The following SORCS2 variants were observed in gnomAD, a reference collection of about 807,000 sequenced individuals.
The protein encoded by SORCS2 is VPS10 domain-containing receptor SorCS2.
In SORCS2, 100 loss-of-function variants were observed where a neutral mutation model predicts 141.6. The ratio of observed to expected loss-of-function variants is 0.71; its 90% CI spans 0.60 to 0.83. The LOEUF (loss-of-function observed/expected upper bound fraction) is 0.83, where lower values mean the gene tolerates loss of function less well. Among genes scored for constraint, SORCS2 ranks in the 40% least tolerant of loss-of-function variants. The pLI, the probability that SORCS2 is intolerant of heterozygous loss-of-function variation, is 0.00. For missense variants in SORCS2, 1,646 were observed against 1,560.2 expected (o/e 1.05, Z -0.93); for synonymous variants, 789 against 676.9 (o/e 1.17, Z -2.57).
At chr4:7,680,926 C>T (rs143931692) in intron 9 of SORCS2, among the ~76,000 whole-genome samples, 178 of 152,346 alleles carry the variant, frequency 1.2e-3, no homozygotes, top group African/African-American at 4.1e-3. Context: ...CACTTTGAAA[C>T]AGATAATTTG....
intron 1 of SORCS2, among the ~76,000 whole-genome samples, chr4:7,368,708 TTGGC>T (rs1722063804): frequency 1.3e-5 from 2 of 152,156 alleles, no homozygotes; most frequent in African/African-American, 4.8e-5. Flanking sequence ...AAGTTTGAAG[TTGGC>T]CAAGAGGATC....
At chr4:7,294,123 T>G (rs1205668346) in intron 1 of SORCS2, among the ~76,000 whole-genome samples, 1 of 152,210 alleles carries the variant, frequency 6.6e-6, no homozygotes, top group Non-Finnish European at 1.5e-5. Flanking sequence ...TCTGGTTAGT[T>G]ACGTCTCATC....
At chr4:7,453,443 TGTGTTGGGGTCAGGCTCC>T (rs1560297315) in intron 2 of SORCS2, among the ~76,000 whole-genome samples, 3 of 135,156 alleles carry the variant, frequency 2.2e-5, no homozygotes, top group Admixed American at 1.4e-4. Context: ...GGTCAGGTGC[TGTGTTGGGGTCAGGCTCC>T]GTGTTGGGGT....
At chr4:7,520,175 C>A (rs1202039271) in intron 2 of SORCS2, among the ~76,000 whole-genome samples, 1 of 152,204 alleles carries the variant, frequency 6.6e-6, no homozygotes. Flanking sequence ...CAGAAGTTCC[C>A]CGCCCAGCCA....
At chr4:7,244,331 C>T (rs965031447) in intron 1 of SORCS2, among the ~76,000 whole-genome samples, 1 of 152,254 alleles carries the variant, frequency 6.6e-6, no homozygotes, top group Non-Finnish European at 1.5e-5. Flanking sequence ...CAAAGTCATT[C>T]CGAAGATTCA....
intron 3 of SORCS2, among the ~76,000 whole-genome samples, chr4:7,586,379 C>T (rs1378258387): frequency 2.0e-5 from 3 of 152,202 alleles, no homozygotes; most frequent in African/African-American, 2.4e-5. Context: ...AGGTTTGTTA[C>T]ATAGGTAAAT....
intron 3 of SORCS2, among the ~76,000 whole-genome samples, chr4:7,628,519 GAA>G (rs11461925): frequency 7.4e-6 from 1 of 135,426 alleles, no homozygotes; most frequent in Non-Finnish European, 1.6e-5. Flanking sequence ...ACTCCGTCTC[GAA>G]AAAAAAAAAA....
chr4:7,431,285 A>T (rs1434584929), intron 2 of SORCS2: 1 of 151,932 alleles, frequency 6.6e-6, no homozygotes, highest in Non-Finnish European at 1.5e-5. Context: ...GTGTGGGGAC[A>T]CCCCACCCTG....
Position 7,222,556 on chromosome 4 carries a change from G to A in SORCS2, c.480+29430G>A, listed in dbSNP as rs557918548. Among the ~76,000 whole-genome samples, 10 of 152,304 alleles carry A rather than the reference G, an allele frequency of 6.6e-5. No homozygotes were observed. The East Asian group carries it at 9.7e-4, about 15-fold the overall frequency. Reference sequence around the variant, plus strand: ...TCTAAAATGGACTGGTGGTGTGTGCGGGGGTCTGTGAATATGCTGACAGCC... The same window carrying A: ...TCTAAAATGGACTGGTGGTGTGTGCAGGGGTCTGTGAATATGCTGACAGCC... On this transcript the variant is annotated intron_variant, in intron 1 of 26. Coordinates refer to ENST00000507866, the MANE Select transcript of SORCS2 (RefSeq NM_020777.3).
At chr4:7,484,577 T>C (rs1383897717) in intron 2 of SORCS2, among the ~76,000 whole-genome samples, 2 of 152,062 alleles carry the variant, frequency 1.3e-5, no homozygotes, top group Non-Finnish European at 2.9e-5. Context: ...AGTGTGGAAA[T>C]ACCAGGAACA....
intron 2 of SORCS2, among the ~76,000 whole-genome samples, chr4:7,408,500 C>T (rs930711248): frequency 2.6e-5 from 4 of 151,606 alleles, no homozygotes; most frequent in African/African-American, 9.7e-5. Context: ...GGGTTATTTG[C>T]TTCTTTTCTC....
chr4:7,583,393 A>G (rs1716294730), intron 3 of SORCS2, among the ~76,000 whole-genome samples: 1 of 152,198 alleles, frequency 6.6e-6, no homozygotes, highest in Non-Finnish European at 1.5e-5. Context: ...CTAAAACAGG[A>G]ACTCAACTTA....
At chr4:7,308,882 G>A (rs1446705118) in intron 1 of SORCS2, among the ~76,000 whole-genome samples, 1 of 152,088 alleles carries the variant, frequency 6.6e-6, no homozygotes, top group Non-Finnish European at 1.5e-5. Flanking sequence ...CCCGTGCACA[G>A]CAGCAGCAGC....
Position 7,663,463 on chromosome 4 carries a change from G to C in SORCS2, c.953-890G>C, listed in dbSNP as rs945593624. Among the ~76,000 whole-genome samples, 2 of 152,178 alleles carry C rather than the reference G, an allele frequency of 1.3e-5. No homozygotes were observed. The highest frequency in any genetic ancestry group is 1.5e-5 in the Non-Finnish European group (1 of 68,024). ...TTCAGTGGTTCAGTGTTGAGTGCCG[G>C]GCACACCAGTCAGTTTCAAGGGAAC... On this transcript the variant is annotated intron_variant, in intron 6 of 26. Transcript: ENST00000507866. This position sits in a 1 kb window ranked among gnomAD's most constrained non-coding sequence, Gnocchi z 4.8.
chr4:7,453,163 T>C (rs1728595607), intron 2 of SORCS2, among the ~76,000 whole-genome samples: 1 of 140,896 alleles, frequency 7.1e-6, no homozygotes, highest in Non-Finnish European at 1.5e-5. Context: ...TCAGGTGCTG[T>C]GTTGGGGTCA....
chr4:7,291,022 A>G (rs1716564632), intron 1 of SORCS2, among the ~76,000 whole-genome samples: 1 of 152,156 alleles, frequency 6.6e-6, no homozygotes, highest in Non-Finnish European at 1.5e-5. Flanking sequence ...GGGGTTGGAC[A>G]AGGTCTCTCT....
At chr4:7,698,546 C>T (rs1016659253) in intron 12 of SORCS2, among the ~76,000 whole-genome samples, 2 of 152,198 alleles carry the variant, frequency 1.3e-5, no homozygotes, top group Non-Finnish European at 2.9e-5. Flanking sequence ...AAGATTCCCC[C>T]GTATTAGATT....
intron 2 of SORCS2, among the ~76,000 whole-genome samples, chr4:7,519,227 G>T (rs148496301): frequency 6.6e-6 from 1 of 152,114 alleles, no homozygotes; most frequent in East Asian, 1.9e-4. Context: ...GCTCGGCCTC[G>T]TTCACCGTGG....
intron 3 of SORCS2, among the ~76,000 whole-genome samples, chr4:7,592,850 A>G (rs1243115907): frequency 3.9e-5 from 6 of 152,238 alleles, no homozygotes; most frequent in Non-Finnish European, 8.8e-5. Flanking sequence ...AATGAATGAC[A>G]TAAACCACCA....
Sources: allele counts gnomAD v4.1 joint callset (sites outside exome capture counted in the v4.1 genomes callset), GRCh38; gene constraint gnomAD v4.1.1; non-coding constraint Gnocchi (gnomAD v3.1); transcripts MANE v1.5; gene names NCBI Gene and HGNC (gene_info 2026-07-23, HGNC 2026-07-21).